Variants in RRN3 observed in about 807,000 individuals in gnomAD.
The protein encoded by RRN3 is RNA polymerase I transcription factor RRN3.
RRN3 carries 38 observed loss-of-function variants against 82.3 expected under a neutral mutation model. That is an observed-to-expected ratio of 0.46 (90% CI 0.36 to 0.61). RRN3 has a LOEUF of 0.61. Ranked by LOEUF, RRN3 falls within the 20% of genes least tolerant of loss-of-function variation. The pLI is 0.00. For missense variants in RRN3, 726 were observed against 793.1 expected (o/e 0.92, Z 1.02); for synonymous variants, 284 against 284.3 (o/e 1.00, Z 0.01).
intron 16 of RRN3, among the ~76,000 whole-genome samples, chr16:15,064,472 G>C (rs1163750298): frequency 4.6e-5 from 7 of 152,162 alleles, no homozygotes; most frequent in Non-Finnish European, 1.0e-4. Flanking sequence ...ATTACGCCCA[G>C]CCAATCGTTT....
chr16:15,076,393 G>A (rs2045455665), intron 10 of RRN3, 165 bp downstream of exon 10: 1 of 650,438 alleles, frequency 1.5e-6, no homozygotes, highest in East Asian at 2.7e-5. Flanking sequence ...ACTATGCTAA[G>A]TGCTAAATGA....
chr16:15,087,456 T>C (rs559198443), intron 3 of RRN3, among the ~76,000 whole-genome samples: 6 of 152,336 alleles, frequency 3.9e-5, no homozygotes, highest in South Asian at 4.1e-4. Flanking sequence ...GGCTATCCTC[T>C]GTCCACCGTC....
intron 9 of RRN3, among the ~76,000 whole-genome samples, chr16:15,079,618 A>G (rs1179221767): frequency 3.4e-5 from 5 of 148,620 alleles, no homozygotes; most frequent in African/African-American, 1.2e-4. Context: ...TTTGAGATGG[A>G]GTCTCGCTCT....
intron 16 of RRN3, among the ~76,000 whole-genome samples, chr16:15,064,753 T>C (rs2044883876): frequency 6.6e-6 from 1 of 152,210 alleles, no homozygotes; most frequent in Admixed American, 6.5e-5. Flanking sequence ...TCCTCTACTT[T>C]GCATCTGGTG....
chr16:15,089,282 C>T (rs2046024968), intron 3 of RRN3, among the ~76,000 whole-genome samples: 1 of 151,942 alleles, frequency 6.6e-6, no homozygotes. Flanking sequence ...CAGAGCAAGA[C>T]TCTGTTCTGC....
chr16:15,071,595 C>T (rs1394356636), intron 12 of RRN3, among the ~76,000 whole-genome samples: 1 of 152,154 alleles, frequency 6.6e-6, no homozygotes, highest in Non-Finnish European at 1.5e-5. Flanking sequence ...TGGAGAAACC[C>T]TGTCTCTACT....
intron 3 of RRN3, among the ~76,000 whole-genome samples, chr16:15,090,187 G>A (rs1043573429): frequency 4.0e-5 from 6 of 151,730 alleles, no homozygotes; most frequent in South Asian, 2.1e-4. Context: ...TCCAGCCTGC[G>A]TGGTAAGAAG....
rs748520499 is a variant in RRN3, at chr16:15,074,731, T to G, written c.989A>C (p.Tyr330Ser). 3.7e-6 allele frequency: 6 copies of G among 1,613,454 alleles called. No individual in the cohort carries two copies. The highest frequency in any genetic ancestry group is 1.6e-4 in the Middle Eastern group (1 of 6,074). Residue 330 changes from tyrosine (Y) to serine (S), a missense_variant, in exon 11 of 18, where the codon TAT (tyrosine) becomes TCT (serine). Coordinates refer to ENST00000198767, the MANE Select transcript of RRN3 (RefSeq NM_018427.5). ...TAGCTACTGTGATTTACCATCTACATAGCAGACATCCTTCATGTAGGACAA... is the reference window on the plus strand; with the variant it reads ...TAGCTACTGTGATTTACCATCTACAGAGCAGACATCCTTCATGTAGGACAA... ...LVLSYMKDVCYVDGKVDNGKT... is the reference protein window; with the variant it reads ...LVLSYMKDVCSVDGKVDNGKT...
At chr16:15,077,994 G>C (rs1212002391) in intron 9 of RRN3, among the ~76,000 whole-genome samples, 1 of 152,164 alleles carries the variant, frequency 6.6e-6, no homozygotes, top group East Asian at 1.9e-4. Flanking sequence ...GAAAAATGAT[G>C]AACTGCCAGC....
At chr16:15,089,647 A>G (rs1175535867) in intron 3 of RRN3, among the ~76,000 whole-genome samples, 1 of 151,742 alleles carries the variant, frequency 6.6e-6, no homozygotes, top group African/African-American at 2.4e-5. Flanking sequence ...AAAAATACAA[A>G]AAATTAGCTG....
intron 2 of RRN3, among the ~76,000 whole-genome samples, chr16:15,091,713 C>T (rs965358589): frequency 6.6e-6 from 1 of 152,174 alleles, no homozygotes; most frequent in Non-Finnish European, 1.5e-5. Flanking sequence ...AAAGTATTCA[C>T]TCAAATATGG....
At chr16:15,081,115 T>C (rs2045686081) in intron 8 of RRN3, among the ~76,000 whole-genome samples, 1 of 152,252 alleles carries the variant, frequency 6.6e-6, no homozygotes, top group Non-Finnish European at 1.5e-5. Context: ...TGTCTGTTCA[T>C]CAGTTGACAG....
Position 15,082,152 on chromosome 16 carries a change from T to A in RRN3, c.666+1361A>T, listed in dbSNP as rs1290329423. ...CAAGCAGCAAGAGCGGACATCCTTG[T>A]TTTGTTCTTTGTCTTAGGAAAAAAC... is the stretch of plus-strand genomic sequence containing the variant. On this transcript the variant is annotated intron_variant, in intron 8 of 17. Transcript: ENST00000198767. Among the ~76,000 whole-genome samples, 3 of 152,184 alleles carry A rather than the reference T, an allele frequency of 2.0e-5. No individual in the cohort carries two copies. The South Asian group carries it at 6.2e-4, about 32-fold the overall frequency.
chr16:15,087,273 A>C (rs1194791443), intron 3 of RRN3, among the ~76,000 whole-genome samples: 2 of 152,222 alleles, frequency 1.3e-5, no homozygotes, highest in Non-Finnish European at 2.9e-5. Context: ...TATGCCAGGC[A>C]TGGTGCCTGA....
chr16:15,070,587 A>G (rs912671731), intron 13 of RRN3, among the ~76,000 whole-genome samples: 4 of 151,994 alleles, frequency 2.6e-5, no homozygotes, highest in Non-Finnish European at 5.9e-5. Context: ...GTTCACCAAC[A>G]CCTCTCAAGA....
At chr16:15,079,890 C>G (rs1216423567) in intron 9 of RRN3, 108 bp downstream of exon 9, 2 of 1,287,976 alleles carry the variant, frequency 1.6e-6, no homozygotes, top group African/African-American at 1.5e-5. Flanking sequence ...AGTCACCACG[C>G]CTGGCCAAGT....
intron 13 of RRN3, among the ~76,000 whole-genome samples, chr16:15,070,678 G>C (rs2045186146): frequency 6.6e-6 from 1 of 152,230 alleles, no homozygotes; most frequent in Non-Finnish European, 1.5e-5. Context: ...GGTTGGGGAA[G>C]GGTTTCAACA....
At chr16:15,086,020 A>C in intron 5 of RRN3, 109 bp downstream of exon 5, 1 of 790,350 alleles carries the variant, frequency 1.3e-6, no homozygotes, top group Non-Finnish European at 2.0e-6. Flanking sequence ...ACCTGGTGCC[A>C]ATATGCATCT....
rs751539651 is a variant in RRN3 at position 15,071,302 on chromosome 16, C to G, written c.1129-51G>C. ...GATCTTTTTTAATGCCTAAGATAAT[C>G]TGGCTATCAAAATCCCAAGATTTTT... is the stretch of plus-strand genomic sequence containing the variant. On this transcript the variant is annotated intron_variant, in intron 12 of 17. Coordinates refer to ENST00000198767, the MANE Select transcript of RRN3 (RefSeq NM_018427.5). 6 of 1,525,250 alleles carry G rather than the reference C, an allele frequency of 3.9e-6. No individual in the cohort carries two copies. The Admixed American group carries it at 6.5e-5, about 16-fold the overall frequency. 94.5% of individuals were successfully genotyped at this position (1,525,250 alleles called of 1,614,324 possible).
Sources: allele counts gnomAD v4.1 joint callset (sites outside exome capture counted in the v4.1 genomes callset), GRCh38; gene constraint gnomAD v4.1.1; transcripts MANE v1.5; gene names NCBI Gene and HGNC (gene_info 2026-07-23, HGNC 2026-07-21).